WWOX: variants seen among roughly 807,000 people sequenced by gnomAD.
WWOX encodes the protein WW domain-containing oxidoreductase.
A neutral mutation model predicts 46.2 loss-of-function variants in WWOX; 69 were observed. The observed-to-expected ratio is 1.49, with a 90% CI of 1.23 to 1.82. The LOEUF is 1.82. Ranked by LOEUF, WWOX falls within the 40% of genes most tolerant of loss-of-function variation. The probability of loss-of-function intolerance (pLI) is 0.00; values close to 1 mark genes in which losing one functional copy is unlikely to be tolerated. For missense variants in WWOX, 919 were observed against 542.6 expected, an observed-to-expected ratio of 1.69 and a Z score of -6.89; for synonymous variants, 359 against 202.6, an observed-to-expected ratio of 1.77 and a Z score of -6.56.
At chr16:79,092,572 G>A (rs1212429557) in intron 8 of WWOX, among the ~76,000 whole-genome samples, 3 of 152,146 alleles carry the variant, frequency 2.0e-5, no homozygotes, top group South Asian at 2.1e-4. Context: ...CAGCAGCCAC[G>A]TTCCTTGTTT....
chr16:78,169,800 G>A (rs934278505), intron 5 of WWOX, among the ~76,000 whole-genome samples: 7 of 152,034 alleles, frequency 4.6e-5, no homozygotes, highest in African/African-American at 1.2e-4. Flanking sequence ...AGGCAGGGGC[G>A]GTGGATTGAG....
intron 8 of WWOX, among the ~76,000 whole-genome samples, chr16:78,904,236 T>A (rs892856866): frequency 2.9e-4 from 12 of 41,626 alleles, no homozygotes; most frequent in Non-Finnish European, 7.9e-4. Flanking sequence ...ATAAATGCCT[T>A]TTTTTTTTTT....
intron 8 of WWOX, among the ~76,000 whole-genome samples, chr16:78,547,091 G>A (rs2044051305): frequency 7.7e-6 from 1 of 129,854 alleles, no homozygotes; most frequent in East Asian, 2.5e-4. Flanking sequence ...TCATGCCACT[G>A]CACTCCAGCC....
rs1254435874 is a variant in WWOX, at chr16:78,233,309, T to C, written c.516+69020T>C. On this transcript the variant is annotated intron_variant, in intron 5 of 8. Transcript: ENST00000566780. Reference sequence around the variant, plus strand: ...CCACGTAGAGGACATTAAACAAATATTTTATTGTGGTAAAAACACTTAACA... The same window carrying C: ...CCACGTAGAGGACATTAAACAAATACTTTATTGTGGTAAAAACACTTAACA... Among the ~76,000 whole-genome samples, 3 of 123,294 alleles carry C rather than the reference T, an allele frequency of 2.4e-5. 1 individual carries two copies. The East Asian group carries it at 9.0e-4, about 37-fold the overall frequency. The allele number at this position is 123,294 out of a possible 152,430, so 80.9% of individuals were successfully genotyped here.
chr16:79,180,824 A>G (rs561963356), intron 8 of WWOX, among the ~76,000 whole-genome samples: 14 of 152,312 alleles, frequency 9.2e-5, no homozygotes, highest in African/African-American at 2.9e-4. Flanking sequence ...GATATACAAA[A>G]TGAAAAACTA....
At chr16:78,783,851 G>A (rs1026144088) in intron 8 of WWOX, among the ~76,000 whole-genome samples, 7 of 150,364 alleles carry the variant, frequency 4.7e-5, no homozygotes, top group African/African-American at 1.7e-4. Context: ...TGATGATGGT[G>A]ATATGACGCT....
At chr16:79,092,764 G>A (rs1014839397) in intron 8 of WWOX, among the ~76,000 whole-genome samples, 1 of 152,118 alleles carries the variant, frequency 6.6e-6, no homozygotes, top group African/African-American at 2.4e-5. Context: ...TGGAATTAAT[G>A]TAAACGTTGT....
rs113252939 is a variant in WWOX, at chr16:78,346,108, T to C, written c.517-40752T>C. On this transcript the variant is annotated intron_variant, in intron 5 of 8. Transcript: ENST00000566780. ...GATGAATTTGCATTTTCTAGAATTT[T>C]AGATAAGTGAAGTTTTCTAGTACTT... is the stretch of plus-strand genomic sequence containing the variant. Among the ~76,000 whole-genome samples the C allele has an allele frequency of 1.0e-3, 122 of 121,790 alleles. 28 individuals carry two copies. Among genetic ancestry groups the C allele is most frequent in the African/African-American group, 3.2e-3 (115 of 36,008 alleles). The allele number at this position is 121,790 out of a possible 152,430, so 79.9% of individuals were successfully genotyped here.
chr16:78,356,848 C>G (rs1486147754), intron 5 of WWOX, among the ~76,000 whole-genome samples: 2 of 152,090 alleles, frequency 1.3e-5, no homozygotes, highest in Non-Finnish European at 2.9e-5. Flanking sequence ...CACCATTGCA[C>G]TCCAGCCTGG....
chr16:78,445,180 C>A (rs1006897133), intron 8 of WWOX, among the ~76,000 whole-genome samples: 4 of 152,260 alleles, frequency 2.6e-5, no homozygotes, highest in African/African-American at 9.6e-5. Context: ...AGTCTGGATT[C>A]TTTTTATCCA....
At chr16:78,840,946 C>T (rs140594878) in intron 8 of WWOX, among the ~76,000 whole-genome samples, 39 of 152,092 alleles carry the variant, frequency 2.6e-4, no homozygotes, top group Middle Eastern at 3.4e-3. Context: ...GTGGAGGGGG[C>T]ATTTTGGAAA....
At chr16:78,299,500 C>G (rs1432182396) in intron 5 of WWOX, among the ~76,000 whole-genome samples, 1 of 151,512 alleles carries the variant, frequency 6.6e-6, no homozygotes, top group African/African-American at 2.4e-5. Context: ...AAATTCCATT[C>G]CATTTCTTTT....
intron 8 of WWOX, among the ~76,000 whole-genome samples, chr16:78,618,513 A>T (rs1203336571): frequency 6.6e-6 from 1 of 152,106 alleles, no homozygotes. Flanking sequence ...ATATTGGATT[A>T]GGGTCCACCA....
chr16:78,431,895 T>C (rs1041112740), intron 7 of WWOX, among the ~76,000 whole-genome samples: 3 of 152,142 alleles, frequency 2.0e-5, no homozygotes, highest in Admixed American at 2.0e-4. Context: ...TGTTTATTTT[T>C]TGTAGACATG....
intron 6 of WWOX, among the ~76,000 whole-genome samples, chr16:78,392,962 A>G (rs1351123933): frequency 6.6e-6 from 1 of 152,110 alleles, no homozygotes; most frequent in African/African-American, 2.4e-5. Flanking sequence ...CCTCAGAGTT[A>G]GCGGTAGCAG....
At chr16:78,940,875 A>G (rs187250128) in intron 8 of WWOX, among the ~76,000 whole-genome samples, 1 of 151,946 alleles carries the variant, frequency 6.6e-6, no homozygotes, top group Non-Finnish European at 1.5e-5. Context: ...TGTATCGATC[A>G]TGTATTTTCA....
At chr16:78,528,865 C>A (rs1301906357) in intron 8 of WWOX, among the ~76,000 whole-genome samples, 4 of 152,050 alleles carry the variant, frequency 2.6e-5, no homozygotes, top group Non-Finnish European at 1.5e-5. Context: ...TCTTGGATTC[C>A]CAGCTTACTC....
intron 5 of WWOX, among the ~76,000 whole-genome samples, chr16:78,294,437 A>G (rs1295012702): frequency 2.0e-5 from 3 of 151,988 alleles, no homozygotes; most frequent in Non-Finnish European, 2.9e-5. Flanking sequence ...GCTGGCTTCT[A>G]CTTGTTCTAT....
At chr16:78,320,997 A>G (rs1289274589) in intron 5 of WWOX, among the ~76,000 whole-genome samples, 1 of 152,118 alleles carries the variant, frequency 6.6e-6, no homozygotes, top group Non-Finnish European at 1.5e-5. Flanking sequence ...GCTTGATTCT[A>G]TTTATAATGT....
Sources: gnomAD v4.1 joint callset for allele counts (sites outside exome capture counted in the v4.1 genomes callset) on GRCh38, gnomAD v4.1.1 for gene constraint, MANE v1.5 for transcripts, NCBI Gene and HGNC (gene_info 2026-07-23, HGNC 2026-07-21) for gene names.